The following CROCC variants were observed in gnomAD, a reference collection of about 807,000 sequenced individuals.
CROCC encodes ciliary rootlet coiled-coil, rootletin, also known as rootletin.
In CROCC, 180 loss-of-function variants were observed where a neutral mutation model predicts 245.2. The observed-to-expected ratio is 0.73, with a 90% CI of 0.65 to 0.83. CROCC has a LOEUF of 0.83. Ranked by LOEUF, CROCC falls within the 40% of genes least tolerant of loss-of-function variation. The pLI, the probability that CROCC is intolerant of heterozygous loss-of-function variation, is 0.00. For synonymous variants in CROCC, 1,205 were observed against 1,241.6 expected, an observed-to-expected ratio of 0.97 and a Z score of 0.62; for missense variants, 2,688 against 2,779.4, an observed-to-expected ratio of 0.97 and a Z score of 0.74.
chr1:16,927,937 G>A (rs4475802), intron 3 of CROCC, among the ~76,000 whole-genome samples: 1 of 152,134 alleles, frequency 6.6e-6, no homozygotes, highest in Admixed American at 6.5e-5. Context: ...TGCCATGCAC[G>A]TGTCCCGGGG....
chr1:16,970,600 C>T, intron 34 of CROCC, 36 bp from the exon 35 acceptor site: 2 of 1,506,122 alleles, frequency 1.3e-6, no homozygotes, highest in Middle Eastern at 1.8e-4. Flanking sequence ...GTAAGCTCCT[C>T]CTGGCACCCT....
intron 7 of CROCC, 97 bp from the exon 8 acceptor site, chr1:16,931,194 G>T: frequency 9.1e-7 from 1 of 1,093,306 alleles, no homozygotes; most frequent in South Asian, 1.3e-5. Flanking sequence ...ATCCCTGAAC[G>T]ACGGTGCCTC....
At chr1:16,916,093 T>C (rs2075300151) in intron 1 of CROCC, among the ~76,000 whole-genome samples, 1 of 152,236 alleles carries the variant, frequency 6.6e-6, no homozygotes, top group Non-Finnish European at 1.5e-5. Context: ...GGAGAATTGC[T>C]TGAACCCAGG....
intron 20 of CROCC, chr1:16,952,989 G>A (rs2076187668): frequency 2.2e-5 from 7 of 322,028 alleles, no homozygotes; most frequent in Non-Finnish European, 4.2e-5. Context: ...TCTGCACCCT[G>A]CATCCTCTAG....
Position 16,954,801 on chromosome 1 carries a change from C to A in CROCC, c.3389C>A (p.Ala1130Asp). Residue 1130 changes from alanine (A) to aspartate (D), a missense_variant, in exon 23 of 37, where the codon GCC becomes GAC. This residue lies in a region of CROCC where 1,218 missense variants were observed against 1,286.3 expected (regional missense o/e 0.95). Transcript: ENST00000375541. This position sits in a 1 kb window ranked among gnomAD's most constrained non-coding sequence, Gnocchi z 4.4. ...LRAQREEAAA[A>D]HAQEVRRLQE... ...GCCCAGCGGGAGGAGGCTGCTGCGGCCCACGCCCAGGAGGTGAGGAGGCTG... is the reference window on the plus strand; with the variant it reads ...GCCCAGCGGGAGGAGGCTGCTGCGGACCACGCCCAGGAGGTGAGGAGGCTG... The A allele has an allele frequency of 6.4e-7, 1 of 1,552,780 alleles. No homozygotes were observed. Among genetic ancestry groups the A allele is most frequent in the Non-Finnish European group, 8.7e-7 (1 of 1,148,282 alleles).
rs2076547294 is a variant in CROCC at position 16,972,928 on chromosome 1, G to A, written c.*482G>A. ...ACCTTTTTACAATGTTAACTGTTCAGAACTGTTTTTTGTAACAAAACCTTG... is the reference window on the plus strand; with the variant it reads ...ACCTTTTTACAATGTTAACTGTTCAAAACTGTTTTTTGTAACAAAACCTTG... On this transcript the variant is annotated 3_prime_UTR_variant, in exon 37 of 37. Transcript: ENST00000375541. 1 of 152,538 alleles carries A rather than the reference G, an allele frequency of 6.6e-6. No individual in the cohort carries two copies. Among genetic ancestry groups the A allele is most frequent in the South Asian group, 2.1e-4 (1 of 4,846 alleles). 9.4% of individuals were successfully genotyped at this position (152,538 alleles called of 1,614,324 possible).
chr1:16,968,474 T>G, intron 31 of CROCC, 56 bp downstream of exon 31: 1 of 1,427,520 alleles, frequency 7.0e-7, no homozygotes, highest in Non-Finnish European at 9.2e-7. Flanking sequence ...GCCAAGAGCT[T>G]TGTAGGCACT....
intron 5 of CROCC, 32 bp from the exon 6 acceptor site, chr1:16,930,254 C>G: frequency 6.3e-7 from 1 of 1,591,222 alleles, no homozygotes; most frequent in Non-Finnish European, 8.6e-7. Context: ...TCCACCTGCC[C>G]AACCTGATGC....
At chr1:16,946,175 C>T in intron 15 of CROCC, 84 bp from the exon 16 acceptor site, 1 of 1,446,436 alleles carries the variant, frequency 6.9e-7, no homozygotes, top group Non-Finnish European at 9.4e-7. Context: ...TCTGAGGGTC[C>T]ATCTCTCTGG....
At chr1:16,930,702 GC>G (rs2075656302) in intron 7 of CROCC, 108 bp downstream of exon 7, 22 of 1,332,636 alleles carry the variant, frequency 1.7e-5, no homozygotes, top group Non-Finnish European at 1.9e-5. Context: ...GTCCAAGGGA[GC>G]CTGTTAGCAG....
intron 2 of CROCC, among the ~76,000 whole-genome samples, chr1:16,924,031 A>C (rs1475266381): frequency 6.6e-6 from 1 of 152,264 alleles, no homozygotes; most frequent in African/African-American, 2.4e-5. Flanking sequence ...GACTAATTGG[A>C]AAAGGAGGGA....
At chr1:16,935,193 C>G (rs1273653609) in intron 8 of CROCC, among the ~76,000 whole-genome samples, 1 of 152,282 alleles carries the variant, frequency 6.6e-6, no homozygotes, top group Admixed American at 6.5e-5. Context: ...AGCCACCACG[C>G]CTGGCCTATC....
intron 32 of CROCC, 116 bp from the exon 33 acceptor site, chr1:16,969,669 C>A: frequency 2.1e-6 from 3 of 1,429,172 alleles, no homozygotes; most frequent in South Asian, 1.4e-5. Flanking sequence ...GCACCCCACC[C>A]TCCAGGTGAG....
intron 15 of CROCC, 43 bp from the exon 16 acceptor site, chr1:16,946,216 G>A (rs763896112): frequency 2.7e-5 from 43 of 1,596,436 alleles, no homozygotes; most frequent in African/African-American, 4.0e-5. Context: ...ACCTCCTCCC[G>A]ACCTTTCTGC....
intron 8 of CROCC, among the ~76,000 whole-genome samples, chr1:16,934,842 C>CTT (rs1217093510): frequency 7.0e-5 from 3 of 42,840 alleles, no homozygotes; most frequent in African/African-American, 3.3e-4. Context: ...TCTTCTTCTT[C>CTT]TTTTTTTTTT....
At chr1:16,923,890 A>G (rs1429828355) in intron 2 of CROCC, among the ~76,000 whole-genome samples, 1 of 152,242 alleles carries the variant, frequency 6.6e-6, no homozygotes, top group African/African-American at 2.4e-5. Flanking sequence ...CGTGTTGGCC[A>G]GGCTAGTCTC....
intron 8 of CROCC, among the ~76,000 whole-genome samples, chr1:16,933,957 C>A (rs1243036859): frequency 3.9e-5 from 6 of 152,282 alleles, no homozygotes; most frequent in African/African-American, 1.4e-4. Context: ...TGGTTGCATC[C>A]TTATGGTGTC....
intron 20 of CROCC, chr1:16,951,873 G>A (rs1400181927): frequency 1.9e-5 from 3 of 154,642 alleles, no homozygotes; most frequent in South Asian, 2.0e-4. Context: ...AGGAGGTGGC[G>A]GTAAAGCTCT....
chr1:16,969,482 G>T, intron 32 of CROCC, 142 bp downstream of exon 32: 2 of 884,442 alleles, frequency 2.3e-6, no homozygotes, highest in Middle Eastern at 3.4e-4. Context: ...AAGGGAGGGC[G>T]TGGGCCCAGT....
Sources: allele counts gnomAD v4.1 joint callset (sites outside exome capture counted in the v4.1 genomes callset), GRCh38; gene constraint gnomAD v4.1.1; regional missense constraint gnomAD v4.1.1; non-coding constraint Gnocchi (gnomAD v3.1); transcripts MANE v1.5; gene names NCBI Gene and HGNC (gene_info 2026-07-23, HGNC 2026-07-21).